SPON1: variants seen among roughly 807,000 people sequenced by gnomAD.
SPON1 encodes spondin 1.
A neutral mutation model predicts 111.7 loss-of-function variants in SPON1; 52 were observed. The ratio of observed to expected loss-of-function variants is 0.47; its 90% CI spans 0.37 to 0.59. SPON1 has a LOEUF of 0.59. SPON1 is among the 20% of genes least tolerant of loss of function. The pLI, the probability that SPON1 is intolerant of heterozygous loss-of-function variation, is 0.00. For synonymous variants in SPON1, 410 were observed against 395.8 expected, an observed-to-expected ratio of 1.04 and a Z score of -0.43; for missense variants, 957 against 1,068.5, an observed-to-expected ratio of 0.90 and a Z score of 1.46.
chr11:13,971,690 C>T (rs781836454), intron 1 of SPON1, among the ~76,000 whole-genome samples: 1 of 152,128 alleles, frequency 6.6e-6, no homozygotes, highest in Non-Finnish European at 1.5e-5. Flanking sequence ...CCATCACCAC[C>T]TCTCCTAGCC....
chr11:14,153,150 A>G (rs1847806877), intron 6 of SPON1, among the ~76,000 whole-genome samples: 1 of 152,144 alleles, frequency 6.6e-6, no homozygotes, highest in South Asian at 2.1e-4. Flanking sequence ...TACAACATAC[A>G]TCCTTTACTT....
At chr11:14,212,241 G>C (rs1848584453) in intron 6 of SPON1, among the ~76,000 whole-genome samples, 2 of 151,874 alleles carry the variant, frequency 1.3e-5, no homozygotes, top group African/African-American at 4.8e-5. Context: ...GGAATTATCT[G>C]TTCCTTGTGA....
intron 7 of SPON1, among the ~76,000 whole-genome samples, chr11:14,253,060 CA>C (rs1341932220): frequency 6.6e-6 from 1 of 152,198 alleles, no homozygotes; most frequent in African/African-American, 2.4e-5. Flanking sequence ...TGTCAGGGCC[CA>C]GGGAGCTTCT....
rs1169071086 is a variant in SPON1 at position 14,181,074 on chromosome 11, C to T, written c.825+45506C>T. Among the ~76,000 whole-genome samples the T allele has an allele frequency of 3.3e-5, 5 of 152,102 alleles. No individual in the cohort carries two copies. The East Asian group carries it at 7.7e-4, about 23-fold the overall frequency. ...ACTGTCCCTCAAGTGGCCATCAGCCCGAAGACACTGGGGTCAGGACCTCTC... is the reference window on the plus strand; with the variant it reads ...ACTGTCCCTCAAGTGGCCATCAGCCTGAAGACACTGGGGTCAGGACCTCTC... On this transcript the variant is annotated intron_variant, in intron 6 of 15. Coordinates refer to ENST00000576479, the MANE Select transcript of SPON1 (RefSeq NM_006108.4).
chr11:14,156,734 C>G (rs1196531054), intron 6 of SPON1, among the ~76,000 whole-genome samples: 3 of 152,012 alleles, frequency 2.0e-5, no homozygotes, highest in African/African-American at 7.2e-5. Flanking sequence ...TTTCCCAGCA[C>G]CATTTATTAA....
At chr11:14,261,230 G>A (rs534289591) in intron 14 of SPON1, among the ~76,000 whole-genome samples, 15 of 152,156 alleles carry the variant, frequency 9.9e-5, no homozygotes, top group Non-Finnish European at 1.5e-4. Context: ...ACCCCACCCC[G>A]CTCCACTCCC....
At chr11:14,160,629 T>A (rs868988263) in intron 6 of SPON1, among the ~76,000 whole-genome samples, 1 of 23,544 alleles carries the variant, frequency 4.2e-5, no homozygotes, top group South Asian at 1.5e-3. Context: ...ATATATATAT[T>A]TATATATATT....
At chr11:14,067,579 C>G (rs980400405) in intron 3 of SPON1, among the ~76,000 whole-genome samples, 4 of 152,134 alleles carry the variant, frequency 2.6e-5, no homozygotes, top group African/African-American at 9.7e-5. Context: ...TTTTTCTTAC[C>G]TGGGAAGCAA....
chr11:13,972,201 G>A (rs1342322374), intron 1 of SPON1, among the ~76,000 whole-genome samples: 2 of 152,142 alleles, frequency 1.3e-5, no homozygotes, highest in African/African-American at 4.8e-5. Context: ...TCCTTGTCCT[G>A]GACATTGTGG....
At chr11:14,245,258 G>A (rs2133919574) in intron 7 of SPON1, among the ~76,000 whole-genome samples, 1 of 152,230 alleles carries the variant, frequency 6.6e-6, no homozygotes, top group South Asian at 2.1e-4. Flanking sequence ...CTACGGCGAG[G>A]CACCTGATAC....
At chr11:14,042,960 C>T (rs1848643406) in intron 3 of SPON1, among the ~76,000 whole-genome samples, 1 of 152,226 alleles carries the variant, frequency 6.6e-6, no homozygotes, top group South Asian at 2.1e-4. Context: ...GCTGAGCATC[C>T]TTCCTCAGAT....
At chr11:14,034,119 C>T (rs574394957) in intron 2 of SPON1, among the ~76,000 whole-genome samples, 1 of 152,154 alleles carries the variant, frequency 6.6e-6, no homozygotes, top group East Asian at 1.9e-4. Context: ...CACAGCCAGC[C>T]TGGGCAACAT....
chr11:14,097,266 T>C (rs1456339409), intron 5 of SPON1, among the ~76,000 whole-genome samples: 2 of 152,214 alleles, frequency 1.3e-5, no homozygotes, highest in African/African-American at 4.8e-5. Context: ...AGGACACCCT[T>C]TAATAATAGG....
intron 2 of SPON1, among the ~76,000 whole-genome samples, chr11:14,005,062 G>A (rs1045185958): frequency 1.6e-4 from 24 of 152,174 alleles, no homozygotes; most frequent in African/African-American, 4.8e-4. Context: ...TTGCTGTGAA[G>A]AAGGTTTTTA....
chr11:14,224,094 T>C (rs1338869541), intron 6 of SPON1, among the ~76,000 whole-genome samples: 1 of 152,252 alleles, frequency 6.6e-6, no homozygotes, highest in East Asian at 1.9e-4. Context: ...CATTCATTTA[T>C]TAAACAAACA....
chr11:14,086,210 C>T (rs574451046), intron 5 of SPON1, among the ~76,000 whole-genome samples: 4 of 152,124 alleles, frequency 2.6e-5, no homozygotes, highest in Non-Finnish European at 5.9e-5. Context: ...GAGGGGGCAT[C>T]CTTGTCTTGT....
At chr11:14,037,576 T>C (rs1380278055) in intron 2 of SPON1, among the ~76,000 whole-genome samples, 4 of 145,050 alleles carry the variant, frequency 2.8e-5, no homozygotes, top group African/African-American at 1.0e-4. Context: ...CTCACAAAAA[T>C]TAACTCAAAA....
At chr11:14,180,062 C>A (rs1848220821) in intron 6 of SPON1, among the ~76,000 whole-genome samples, 1 of 152,178 alleles carries the variant, frequency 6.6e-6, no homozygotes, top group African/African-American at 2.4e-5. Context: ...TCTATTGCAT[C>A]TTCCATGAGG....
rs1303715127 is a variant in SPON1 at position 14,265,582 on chromosome 11, A to T, written c.2319A>T (p.Gly773=). The stretch of plus-strand genomic sequence containing the variant: ...AATGCACCAAACTGTGCGGAGGTGG[A>T]ATTCAGGAACGTTACATGACTGTAA... ...WSECTKLCGG[G]IQERYMTVKK... The change falls in exon 16 of 16, where the codon GGA becomes GGT. Residue 773 remains glycine (G), a synonymous_variant. Transcript: ENST00000576479. 2 of 1,613,602 alleles carry T rather than the reference A, an allele frequency of 1.2e-6. No individual in the cohort carries two copies. The highest frequency in any genetic ancestry group is 2.7e-5 in the African/African-American group (2 of 74,892).
Sources: gnomAD v4.1 joint callset for allele counts (sites outside exome capture counted in the v4.1 genomes callset) on GRCh38, gnomAD v4.1.1 for gene constraint, MANE v1.5 for transcripts, NCBI Gene and HGNC (gene_info 2026-07-23, HGNC 2026-07-21) for gene names.